Variants in LRP1B observed in about 807,000 individuals in gnomAD.
LRP1B encodes the protein low-density lipoprotein receptor-related protein 1B.
A neutral mutation model predicts 556.6 loss-of-function variants in LRP1B; 217 were observed. The observed-to-expected ratio is 0.39, with a 90% CI of 0.35 to 0.44. The LOEUF (loss-of-function observed/expected upper bound fraction) is 0.44. LRP1B is among the 20% of genes least tolerant of loss of function. LRP1B has a pLI of 1.00. For synonymous variants in LRP1B, 2,047 were observed against 1,865.8 expected, an observed-to-expected ratio of 1.10 and a Z score of -2.50; for missense variants, 5,053 against 5,620.8, an observed-to-expected ratio of 0.90 and a Z score of 3.23.
At chr2:141,022,073 A>G (rs938462809) in intron 11 of LRP1B, among the ~76,000 whole-genome samples, 22 of 151,710 alleles carry the variant, frequency 1.5e-4, no homozygotes, top group Non-Finnish European at 2.5e-4. Context: ...TTTACCAGTG[A>G]CTAACTTTAA....
At chr2:140,785,055 A>G (rs1276342874) in intron 32 of LRP1B, among the ~76,000 whole-genome samples, 1 of 152,144 alleles carries the variant, frequency 6.6e-6, no homozygotes, top group Non-Finnish European at 1.5e-5. Context: ...AAGATTCTAC[A>G]AGTTTCTAGA....
At chr2:140,300,148 G>A (rs777729805) in intron 83 of LRP1B, among the ~76,000 whole-genome samples, 9 of 152,118 alleles carry the variant, frequency 5.9e-5, no homozygotes, top group African/African-American at 2.2e-4. Context: ...GCTAGCATAT[G>A]TCTTAGATCA....
chr2:141,452,248 A>G (rs951832772), intron 3 of LRP1B, among the ~76,000 whole-genome samples: 1 of 152,186 alleles, frequency 6.6e-6, no homozygotes, highest in Non-Finnish European at 1.5e-5. Flanking sequence ...CCAGTGTGTG[A>G]TGAAAAATGC....
intron 66 of LRP1B, among the ~76,000 whole-genome samples, chr2:140,404,833 A>G (rs1243367250): frequency 1.3e-5 from 2 of 152,218 alleles, no homozygotes; most frequent in South Asian, 2.1e-4. Flanking sequence ...TGAGAAAGTC[A>G]GCAAAGAAAC....
At chr2:140,737,794 C>T (rs1467581508) in intron 35 of LRP1B, among the ~76,000 whole-genome samples, 1 of 152,138 alleles carries the variant, frequency 6.6e-6, no homozygotes, top group Admixed American at 6.6e-5. Context: ...GCCAGTCTGG[C>T]CCCTGCAAAA....
intron 43 of LRP1B, among the ~76,000 whole-genome samples, chr2:140,556,324 C>CA (rs1680731938): frequency 6.6e-6 from 1 of 151,982 alleles, no homozygotes; most frequent in Non-Finnish European, 1.5e-5. Flanking sequence ...AAGGCCCCCC[C>CA]ACAATGTACT....
intron 3 of LRP1B, among the ~76,000 whole-genome samples, chr2:141,435,530 A>G (rs917205804): frequency 6.6e-6 from 1 of 152,178 alleles, no homozygotes; most frequent in Non-Finnish European, 1.5e-5. Flanking sequence ...GTCCTCAGGT[A>G]AAGCTGTAGA....
At chr2:141,582,145 A>G (rs538512847) in intron 2 of LRP1B, among the ~76,000 whole-genome samples, 1 of 152,322 alleles carries the variant, frequency 6.6e-6, no homozygotes, top group East Asian at 1.9e-4. Flanking sequence ...TTGTCATAAT[A>G]GGTTTTTATT....
Position 140,444,169 on chromosome 2 carries a change from T to A in LRP1B, c.10294+161A>T, listed in dbSNP as rs561435025. 3.3e-5 allele frequency among the ~76,000 whole-genome samples: 5 copies of A among 152,320 alleles called. No homozygotes were observed. The East Asian group carries it at 9.6e-4, about 29-fold the overall frequency. ...TATTTTCATTTTCTCTATATTTTTA[T>A]TTAGAGCTTCTATCCCAGTTGGCAT... is the stretch of plus-strand genomic sequence containing the variant. On this transcript the variant is annotated intron_variant, in intron 65 of 90. Transcript: ENST00000389484.
chr2:141,740,666 C>G (rs1693662533), intron 2 of LRP1B, among the ~76,000 whole-genome samples: 1 of 152,068 alleles, frequency 6.6e-6, no homozygotes, highest in African/African-American at 2.4e-5. Flanking sequence ...GTTCTGCTAC[C>G]AAATACGAGG....
intron 1 of LRP1B, among the ~76,000 whole-genome samples, chr2:141,973,944 A>G (rs1484320546): frequency 6.6e-6 from 1 of 151,906 alleles, no homozygotes; most frequent in Non-Finnish European, 1.5e-5. Context: ...GCAAATGGAT[A>G]TAATCAAAAT....
intron 66 of LRP1B, among the ~76,000 whole-genome samples, chr2:140,387,438 G>T (rs573194940): frequency 3.3e-5 from 5 of 152,208 alleles, no homozygotes; most frequent in Non-Finnish European, 7.4e-5. Context: ...TTAAACATAT[G>T]AGGAAAATAA....
At position 140,450,581 on chromosome 2, in the gene LRP1B, T is replaced by C; in HGVS notation, c.10044A>G (p.Glu3348=). Residue 3348 remains glutamate, a synonymous_variant, in exon 63 of 91, where the codon GAA becomes GAG. Coordinates refer to ENST00000389484, the MANE Select transcript of LRP1B (RefSeq NM_018557.3). ...TVDDCGDGSD[E]PDDCPEFRCQ... ...CAGTATACTCACGACAGTCATCAGG[T>C]TCATCAGATCCATCACCACAGTCAT... 3 of 1,610,300 alleles carry C rather than the reference T, an allele frequency of 1.9e-6. No individual in the cohort carries two copies. The highest frequency in any genetic ancestry group is 2.5e-6 in the Non-Finnish European group (3 of 1,176,918).
intron 1 of LRP1B, among the ~76,000 whole-genome samples, chr2:141,930,910 A>T (rs1182048710): frequency 6.6e-6 from 1 of 152,002 alleles, no homozygotes; most frequent in Non-Finnish European, 1.5e-5. Flanking sequence ...TCTCATTAAG[A>T]TGTAACTGCC....
intron 86 of LRP1B, among the ~76,000 whole-genome samples, chr2:140,252,666 G>A (rs1011988113): frequency 6.6e-6 from 1 of 151,918 alleles, no homozygotes; most frequent in Admixed American, 6.6e-5. Context: ...TTAAACAAAT[G>A]CAAATAAATG....
At chr2:140,957,623 G>A (rs926960027) in intron 18 of LRP1B, among the ~76,000 whole-genome samples, 2 of 151,514 alleles carry the variant, frequency 1.3e-5, no homozygotes, top group African/African-American at 4.8e-5. Context: ...AATTTTCAGA[G>A]TCCAGAAATA....
Position 140,651,687 on chromosome 2 carries a change from A to AAAT in LRP1B, c.6799+48560_6799+48562dup, listed in dbSNP as rs561225491. On this transcript the variant is annotated intron_variant, in intron 41 of 90. Coordinates refer to ENST00000389484, the MANE Select transcript of LRP1B (RefSeq NM_018557.3). ...TGTCATCGAACCAGATTTTAGGAGA[A>AAAT]AATACCACATGACCTAGAATAGTTG... 5.7e-3 allele frequency among the ~76,000 whole-genome samples: 867 copies of AAAT among 152,242 alleles called. 13 individuals carry two copies. Among genetic ancestry groups the AAAT allele is most frequent in the Middle Eastern group, 0.02 (6 of 294 alleles).
At chr2:140,648,299 G>T (rs998954745) in intron 41 of LRP1B, among the ~76,000 whole-genome samples, 3 of 151,890 alleles carry the variant, frequency 2.0e-5, no homozygotes, top group Non-Finnish European at 4.4e-5. Context: ...TGGGGTGGGG[G>T]AGTGGGGAGG....
chr2:141,167,524 A>G (rs1410497660), intron 7 of LRP1B, among the ~76,000 whole-genome samples: 1 of 151,838 alleles, frequency 6.6e-6, no homozygotes, highest in Non-Finnish European at 1.5e-5. Context: ...TAAAGTACTT[A>G]TTAATCAATA....
Sources: allele counts gnomAD v4.1 joint callset (sites outside exome capture counted in the v4.1 genomes callset), GRCh38; gene constraint gnomAD v4.1.1; transcripts MANE v1.5; gene names NCBI Gene and HGNC (gene_info 2026-07-23, HGNC 2026-07-21).